PPM1B: variants seen among roughly 807,000 people sequenced by gnomAD.
PPM1B encodes protein phosphatase, Mg2+/Mn2+ dependent 1B, also known as protein phosphatase 1B.
Under a neutral mutation model 43.0 loss-of-function variants are expected in PPM1B, and 22 were observed. The ratio of observed to expected loss-of-function variants is 0.51; its 90% CI spans 0.37 to 0.73. The LOEUF is 0.73. Ranked by LOEUF, PPM1B falls within the 30% of genes least tolerant of loss-of-function variation. The probability of loss-of-function intolerance (pLI) is 0.00; values close to 1 mark genes in which losing one functional copy is unlikely to be tolerated. For synonymous variants in PPM1B, 217 were observed against 197.9 expected (o/e 1.10, Z -0.81); for missense variants, 632 against 584.2 (o/e 1.08, Z -0.84).
intron 1 of PPM1B, among the ~76,000 whole-genome samples, chr2:44,199,394 C>T (rs1405771211): frequency 6.7e-6 from 1 of 150,054 alleles, no homozygotes; most frequent in East Asian, 1.9e-4. Context: ...GTGGCTGAAG[C>T]AGGAGAATGG....
chr2:44,174,518 G>GA (rs561748546), intron 1 of PPM1B, among the ~76,000 whole-genome samples: 1 of 152,162 alleles, frequency 6.6e-6, no homozygotes, highest in Non-Finnish European at 1.5e-5. Flanking sequence ...CTAGAAATAG[G>GA]AAAAAACCTT....
intron 2 of PPM1B, among the ~76,000 whole-genome samples, chr2:44,202,607 A>T (rs1487471639): frequency 7.0e-6 from 1 of 143,856 alleles, no homozygotes; most frequent in Non-Finnish European, 1.5e-5. Context: ...TGGCTCTCTA[A>T]GTAATACATG....
At chr2:44,234,688 C>T (rs1461177942), downstream of PPM1B, 4 of 844,328 alleles carry the variant, frequency 4.7e-6, no homozygotes, top group Non-Finnish European at 1.4e-6. Flanking sequence ...GTCTGAGGAC[C>T]CACTTATACT....
intron 1 of PPM1B, among the ~76,000 whole-genome samples, chr2:44,188,244 A>C (rs1668220668): frequency 6.6e-6 from 1 of 152,192 alleles, no homozygotes; most frequent in Admixed American, 6.5e-5. Context: ...ACATCCTGTT[A>C]TTCTATGGAA....
chr2:44,232,215 GGAA>G (rs1392608982), downstream of PPM1B: 2 of 1,496,704 alleles, frequency 1.3e-6, no homozygotes, highest in African/African-American at 2.8e-5. Flanking sequence ...GACAAAGAAA[GGAA>G]GGTAATTTGT....
intron 1 of PPM1B, among the ~76,000 whole-genome samples, chr2:44,183,940 G>A (rs922627021): frequency 3.9e-5 from 6 of 152,036 alleles, no homozygotes; most frequent in African/African-American, 1.2e-4. Context: ...GGGTTTCACC[G>A]TGTTAGCCAG....
At chr2:44,207,863 A>G (rs529463375) in intron 2 of PPM1B, among the ~76,000 whole-genome samples, 10 of 145,176 alleles carry the variant, frequency 6.9e-5, no homozygotes, top group Non-Finnish European at 1.0e-4. Context: ...GATTATAGCC[A>G]TGAGTCACAG....
chr2:44,192,662 T>C (rs1228692828), intron 1 of PPM1B, among the ~76,000 whole-genome samples: 1 of 152,236 alleles, frequency 6.6e-6, no homozygotes. Context: ...TACATAATTA[T>C]TATTTATTTC....
intron 1 of PPM1B, among the ~76,000 whole-genome samples, chr2:44,187,682 C>G (rs1468851953): frequency 6.6e-6 from 1 of 152,116 alleles, no homozygotes; most frequent in Non-Finnish European, 1.5e-5. Context: ...TTGATAATTT[C>G]ATTTCTTCTC....
intron 3 of PPM1B, among the ~76,000 whole-genome samples, chr2:44,214,474 T>C (rs1409041852): frequency 1.3e-5 from 2 of 151,364 alleles, no homozygotes; most frequent in Middle Eastern, 3.4e-3. Flanking sequence ...GGGGGGGGCA[T>C]GGCAGTAGAT....
At chr2:44,221,202 T>C (rs1669964292) in intron 5 of PPM1B, among the ~76,000 whole-genome samples, 1 of 152,228 alleles carries the variant, frequency 6.6e-6, no homozygotes. Context: ...TATCATTACA[T>C]AGATATGTGG....
chr2:44,234,280 G>A, downstream of PPM1B: 1 of 913,432 alleles, frequency 1.1e-6, no homozygotes, highest in Non-Finnish European at 1.3e-6. Context: ...CAGCACTTTG[G>A]GAGGCCAAGG....
chr2:44,170,347 A>G (rs1172325976), intron 1 of PPM1B, among the ~76,000 whole-genome samples: 1 of 152,254 alleles, frequency 6.6e-6, no homozygotes, highest in African/African-American at 2.4e-5. Context: ...ATGTATCAAA[A>G]TAAAGTTGGC....
At chr2:44,227,501 G>A (rs1025965894) in intron 5 of PPM1B, among the ~76,000 whole-genome samples, 1 of 151,160 alleles carries the variant, frequency 6.6e-6, no homozygotes, top group Non-Finnish European at 1.5e-5. Flanking sequence ...AAAAGCATGG[G>A]CCATACACAG....
intron 1 of PPM1B, among the ~76,000 whole-genome samples, chr2:44,177,870 T>C (rs1667660821): frequency 6.6e-6 from 1 of 151,810 alleles, no homozygotes; most frequent in South Asian, 2.1e-4. Context: ...TTCCATAGTA[T>C]TGCATATATA....
intron 1 of PPM1B, among the ~76,000 whole-genome samples, chr2:44,182,426 A>G (rs933061611): frequency 4.6e-5 from 7 of 151,746 alleles, no homozygotes; most frequent in African/African-American, 1.7e-4. Context: ...TGCCTGGCTA[A>G]TTTTTTGTAT....
intron 1 of PPM1B, among the ~76,000 whole-genome samples, chr2:44,197,141 G>T (rs1038245117): frequency 3.3e-5 from 5 of 151,950 alleles, no homozygotes; most frequent in African/African-American, 9.7e-5. Flanking sequence ...TTGAGACAGG[G>T]TCTTGCTGTG....
intron 5 of PPM1B, among the ~76,000 whole-genome samples, chr2:44,222,075 A>G (rs1670003613): frequency 1.3e-5 from 2 of 152,230 alleles, no homozygotes; most frequent in South Asian, 4.2e-4. Flanking sequence ...ATTTCCAGAA[A>G]AAGCAAAACT....
rs1442639738 is a variant in PPM1B at position 44,201,437 on chromosome 2, A to G, written c.238A>G (p.Thr80Ala). The change falls in exon 2 of 6, where the codon ACT becomes GCT. Residue 80 changes from threonine (T) to alanine (A), a missense_variant. Coordinates refer to ENST00000282412, the MANE Select transcript of PPM1B (RefSeq NM_002706.6). The surrounding 1 kb of genome is among the most constrained non-coding windows in gnomAD (Gnocchi z 5.4). The stretch of plus-strand genomic sequence containing the variant: ...CTCAACACATTTATTAGAACACATC[A>G]CTACTAACGAAGACTTTAGGGCAGC... Reference protein sequence around the residue: ...YCSTHLLEHITTNEDFRAAGK... With the variant: ...YCSTHLLEHIATNEDFRAAGK... 2 of 1,614,180 alleles carry G rather than the reference A, an allele frequency of 1.2e-6. No homozygotes were observed. The highest frequency in any genetic ancestry group is 1.7e-5 in the Admixed American group (1 of 60,022).
Sources: allele counts gnomAD v4.1 joint callset (sites outside exome capture counted in the v4.1 genomes callset), GRCh38; gene constraint gnomAD v4.1.1; non-coding constraint Gnocchi (gnomAD v3.1); transcripts MANE v1.5; gene names NCBI Gene and HGNC (gene_info 2026-07-23, HGNC 2026-07-21).